Variants in AHCYL2 observed in about 807,000 individuals in gnomAD.
The protein encoded by AHCYL2 is S-adenosylhomocysteine hydrolase-like protein 2.
Under a neutral mutation model 81.4 loss-of-function variants are expected in AHCYL2, and 28 were observed. The observed-to-expected ratio is 0.34, with a 90% CI of 0.25 to 0.47. AHCYL2 has a LOEUF of 0.47. Among genes scored for constraint, AHCYL2 ranks in the 20% least tolerant of loss-of-function variants. The pLI is 1.00. For synonymous variants in AHCYL2, 272 were observed against 290.2 expected, an observed-to-expected ratio of 0.94 and a Z score of 0.64; for missense variants, 551 against 785.1, an observed-to-expected ratio of 0.70 and a Z score of 3.56.
At chr7:129,325,460 T>A (rs185475025) in intron 1 of AHCYL2, among the ~76,000 whole-genome samples, 1 of 152,228 alleles carries the variant, frequency 6.6e-6, no homozygotes, top group Non-Finnish European at 1.5e-5. Flanking sequence ...AAGTTTTCTT[T>A]ATCACTAGAT....
intron 1 of AHCYL2, among the ~76,000 whole-genome samples, chr7:129,353,370 G>C (rs184727092): frequency 7.0e-4 from 106 of 152,036 alleles, no homozygotes; most frequent in Admixed American, 6.9e-3. Flanking sequence ...CAGGGGTTTT[G>C]CAATTACTAT....
At chr7:129,333,545 TA>T (rs1436639062) in intron 1 of AHCYL2, among the ~76,000 whole-genome samples, 5 of 152,200 alleles carry the variant, frequency 3.3e-5, no homozygotes, top group Admixed American at 6.5e-5. Context: ...AAATATTGAT[TA>T]GGGGTAGTAG....
Position 129,413,583 on chromosome 7 carries a change from C to G in AHCYL2, c.1367-11C>G. ...CTCCACTGCTGCTCAGACCTCTCTT[C>G]TGTTTTTAAGGTAACAAGAATGTGG... is the stretch of plus-strand genomic sequence containing the variant. On this transcript the variant is annotated splice_polypyrimidine_tract_variant and intron_variant, in intron 11 of 16. Transcript: ENST00000325006. 1 of 1,609,326 alleles carries G rather than the reference C, an allele frequency of 6.2e-7. No homozygotes were observed. The highest frequency in any genetic ancestry group is 8.5e-7 in the Non-Finnish European group (1 of 1,175,716).
chr7:129,424,437 G>C (rs998261217), intron 13 of AHCYL2, among the ~76,000 whole-genome samples: 21 of 151,776 alleles, frequency 1.4e-4, no homozygotes, highest in Non-Finnish European at 2.4e-4. Flanking sequence ...AATCATCACA[G>C]CTTCCTAAGT....
At chr7:129,397,098 A>G (rs928992980) in intron 4 of AHCYL2, 124 bp from the exon 5 acceptor site, 40 of 785,120 alleles carry the variant, frequency 5.1e-5, no homozygotes, top group South Asian at 6.1e-5. Flanking sequence ...GTAGAGCCCA[A>G]TTTGAAAATC....
chr7:129,229,738 G>A (rs1794352310), intron 1 of AHCYL2, among the ~76,000 whole-genome samples: 2 of 152,182 alleles, frequency 1.3e-5, no homozygotes, highest in Non-Finnish European at 2.9e-5. Flanking sequence ...GGAGAAAATT[G>A]TACAAATGTA....
At chr7:129,247,622 A>G (rs1795106484) in intron 1 of AHCYL2, among the ~76,000 whole-genome samples, 1 of 151,312 alleles carries the variant, frequency 6.6e-6, no homozygotes, top group South Asian at 2.1e-4. Context: ...TCCCCCCAAG[A>G]CAAGGCCTCA....
Position 129,235,257 on chromosome 7 carries a change from C to CT in AHCYL2, c.363+9831dup, listed in dbSNP as rs74870180. Among the ~76,000 whole-genome samples the CT allele has an allele frequency of 6.2e-3, 905 of 144,874 alleles. 8 individuals are homozygous for CT. Among genetic ancestry groups the CT allele is most frequent in the African/African-American group, 0.017 (659 of 39,808 alleles). ...CTAGCTGCTCCTTCTCATTCTTCTT[C>CT]TTTTTTTTTTTTTGAGGCAGATCTC... On this transcript the variant is annotated intron_variant, in intron 1 of 16. Coordinates refer to ENST00000325006, the MANE Select transcript of AHCYL2 (RefSeq NM_015328.4).
chr7:129,396,369 C>T (rs1405663208), intron 4 of AHCYL2, among the ~76,000 whole-genome samples: 1 of 152,024 alleles, frequency 6.6e-6, no homozygotes, highest in Non-Finnish European at 1.5e-5. Flanking sequence ...TTGTGATCTG[C>T]CCGCCTCGGC....
At chr7:129,294,643 C>T (rs1287299157) in intron 1 of AHCYL2, among the ~76,000 whole-genome samples, 1 of 152,136 alleles carries the variant, frequency 6.6e-6, no homozygotes, top group Non-Finnish European at 1.5e-5. Context: ...AATCTATATC[C>T]ACCACAACAC....
chr7:129,237,161 T>A (rs1235584284), intron 1 of AHCYL2, among the ~76,000 whole-genome samples: 1 of 152,176 alleles, frequency 6.6e-6, no homozygotes, highest in Non-Finnish European at 1.5e-5. Context: ...ATTTTGTGTC[T>A]TAGAATTGCC....
At chr7:129,274,975 G>A (rs1796149781) in intron 1 of AHCYL2, among the ~76,000 whole-genome samples, 1 of 152,156 alleles carries the variant, frequency 6.6e-6, no homozygotes, top group African/African-American at 2.4e-5. Context: ...TCAGAGACAA[G>A]CGGTCTCTGC....
chr7:129,367,144 G>T (rs1292900316), intron 1 of AHCYL2, among the ~76,000 whole-genome samples: 3 of 152,180 alleles, frequency 2.0e-5, no homozygotes, highest in African/African-American at 7.2e-5. Flanking sequence ...GCCCTAAGCA[G>T]TTCCAGCTTG....
At chr7:129,342,577 A>G (rs901696029) in intron 1 of AHCYL2, among the ~76,000 whole-genome samples, 1 of 152,190 alleles carries the variant, frequency 6.6e-6, no homozygotes, top group Non-Finnish European at 1.5e-5. Context: ...GGACTTAACA[A>G]GGGTTAATTA....
At chr7:129,363,043 C>T (rs1203496234) in intron 1 of AHCYL2, among the ~76,000 whole-genome samples, 1 of 152,122 alleles carries the variant, frequency 6.6e-6, no homozygotes, top group Non-Finnish European at 1.5e-5. Context: ...CGAGTCAATA[C>T]TTGTGGGAAT....
At position 129,249,396 on chromosome 7, in the gene AHCYL2, A is replaced by C. The variant is rs141640798; in HGVS notation, c.363+23957A>C. Among the ~76,000 whole-genome samples the C allele has an allele frequency of 3.8e-4, 58 of 152,238 alleles. No individual in the cohort carries two copies. The East Asian group carries it at 9.3e-3, about 24-fold the overall frequency. ...TACCCAAAACTTTTTCATTGCCTCT[A>C]ACAAAAACTATGTATTAAACATTAT... is the stretch of plus-strand genomic sequence containing the variant. On this transcript the variant is annotated intron_variant, in intron 1 of 16. Coordinates refer to ENST00000325006, the MANE Select transcript of AHCYL2 (RefSeq NM_015328.4).
At chr7:129,363,931 C>A (rs1794017098) in intron 1 of AHCYL2, among the ~76,000 whole-genome samples, 1 of 151,826 alleles carries the variant, frequency 6.6e-6, no homozygotes, top group Non-Finnish European at 1.5e-5. Context: ...TTTAATAAAT[C>A]ATTACATAGA....
chr7:129,373,336 G>C (rs1161636265), intron 1 of AHCYL2, among the ~76,000 whole-genome samples: 1 of 152,110 alleles, frequency 6.6e-6, no homozygotes, highest in Non-Finnish European at 1.5e-5. Flanking sequence ...ACGAGGTCAG[G>C]AGATCGAGAC....
At chr7:129,320,853 T>C (rs569423303) in intron 1 of AHCYL2, among the ~76,000 whole-genome samples, 1 of 152,230 alleles carries the variant, frequency 6.6e-6, no homozygotes, top group Non-Finnish European at 1.5e-5. Flanking sequence ...TTCTGGACTT[T>C]CATATAAATG....
Sources: allele counts gnomAD v4.1 joint callset (sites outside exome capture counted in the v4.1 genomes callset), GRCh38; gene constraint gnomAD v4.1.1; transcripts MANE v1.5; gene names NCBI Gene and HGNC (gene_info 2026-07-23, HGNC 2026-07-21).